The following SAP30 variants were observed in gnomAD, a reference collection of about 807,000 sequenced individuals.
SAP30 encodes the protein histone deacetylase complex subunit SAP30.
In SAP30, 13 loss-of-function variants were observed where a neutral mutation model predicts 19.6. The observed-to-expected ratio is 0.66, with a 90% confidence interval of 0.43 to 1.05. SAP30 has a LOEUF of 1.05. Ranked by LOEUF, SAP30 falls within the 50% of genes least tolerant of loss-of-function variation. The pLI is 0.00. For missense variants in SAP30, 257 were observed against 292.1 expected (o/e 0.88, Z 0.88); for synonymous variants, 108 against 122.7 (o/e 0.88, Z 0.79).
chr4:173,377,345 CT>C lies in SAP30; in HGVS notation c.*19del. 5 of 1,593,708 alleles carry C rather than the reference CT, an allele frequency of 3.1e-6. No homozygotes were observed. The highest frequency in any genetic ancestry group is 4.3e-6 in the Non-Finnish European group (5 of 1,172,968). Reference sequence around the variant, plus strand: ...TTCACTAGGAGACGTGGAATTGAGACTAATAACTTGGATGTTAACACTGTTT... The same window carrying C: ...TTCACTAGGAGACGTGGAATTGAGACAATAACTTGGATGTTAACACTGTTT... On this transcript the variant is annotated 3_prime_UTR_variant, in exon 4 of 4. Transcript: ENST00000296504.
Position 173,377,211 on chromosome 4 carries a change from G to T in SAP30, c.547G>T (p.Gly183Cys), listed in dbSNP as rs1739059911. 1 of 1,575,286 alleles carries T rather than the reference G, an allele frequency of 6.3e-7. No individual in the cohort carries two copies. The highest frequency in any genetic ancestry group is 8.6e-7 in the Non-Finnish European group (1 of 1,164,554). The change falls in exon 4 of 4, where the codon GGT becomes TGT. Residue 183 changes from glycine (G) to cysteine (C), a missense_variant. Physicochemically the swap from Gly to Cys is radical, Grantham distance 159. Coordinates refer to ENST00000296504, the MANE Select transcript of SAP30 (RefSeq NM_003864.4). ...ATTTTTCTTTTCTTTGTAGATAGTTGGTTGCCACTTTAGGTCTATTCCAGT... is the reference window on the plus strand; with the variant it reads ...ATTTTTCTTTTCTTTGTAGATAGTTTGTTGCCACTTTAGGTCTATTCCAGT... ...LNKAQLVEIV[G>C]CHFRSIPVNE...
At chr4:173,373,807 A>T in intron 2 of SAP30, 132 bp from the exon 3 acceptor site, 3 of 438,378 alleles carry the variant, frequency 6.8e-6, no homozygotes, top group Non-Finnish European at 1.1e-5. Context: ...GATTATATAA[A>T]TTTTTTAAAT....
In SAP30 at chr4:173,371,357, G is replaced by T; in HGVS notation, c.175G>T (p.Ala59Ser). The T allele has an allele frequency of 6.7e-7, 1 of 1,495,564 alleles. No homozygotes were observed. The highest frequency in any genetic ancestry group is 8.8e-7 in the Non-Finnish European group (1 of 1,132,814). 92.6% of individuals were successfully genotyped at this position (1,495,564 alleles called of 1,614,324 possible). A position where few individuals can be genotyped will look rare whatever the true frequency, so the allele number is the denominator to read the frequency against. Residue 59 changes from alanine to serine, a missense_variant, in exon 1 of 4, where the codon GCC becomes TCC. Ala to Ser is a moderately conservative substitution (Grantham distance 99). Coordinates refer to ENST00000296504, the MANE Select transcript of SAP30 (RefSeq NM_003864.4). This position sits in a 1 kb window ranked among gnomAD's most constrained non-coding sequence, Gnocchi z 6.4. Reference protein sequence around the residue: ...AVSAAGPPGAAGPGPGQLCCL... With the variant: ...AVSAAGPPGASGPGPGQLCCL... ...CTCAGCGGCTGGGCCCCCGGGGGCGGCCGGGCCGGGCCCCGGGCAACTGTG... is the reference window on the plus strand; with the variant it reads ...CTCAGCGGCTGGGCCCCCGGGGGCGTCCGGGCCGGGCCCCGGGCAACTGTG...
intron 1 of SAP30, among the ~76,000 whole-genome samples, chr4:173,373,165 G>C (rs1398383773): frequency 2.6e-5 from 4 of 151,638 alleles, no homozygotes; most frequent in Non-Finnish European, 5.9e-5. Flanking sequence ...CCCTTCCCCA[G>C]ATGGAACCAA....
At chr4:173,377,111 C>T in intron 3 of SAP30, 94 bp from the exon 4 acceptor site, 1 of 823,848 alleles carries the variant, frequency 1.2e-6, no homozygotes, top group Non-Finnish European at 1.8e-6. Context: ...TATCACATAG[C>T]ACTTTTTCTT....
rs1738930931 is a variant in SAP30, at chr4:173,371,418, C to T, written c.236C>T (p.Ala79Val). The change falls in exon 1 of 4, where the codon GCG becomes GTG. Residue 79 changes from alanine (A) to valine (V), a missense_variant. Ala to Val is a moderately conservative substitution (Grantham distance 64). Transcript: ENST00000296504. The surrounding 1 kb of genome is among the most constrained non-coding windows in gnomAD (Gnocchi z 6.4). ...GAGGATGGTGAGCGGTGCGGCCGGG[C>T]GGCAGGCAACGCCAGCTTCAGCAAG... ...LREDGERCGR[A>V]AGNASFSKRI... The T allele has an allele frequency of 1.3e-6, 2 of 1,590,704 alleles. No individual in the cohort carries two copies. Among genetic ancestry groups the T allele is most frequent in the Non-Finnish European group, 1.7e-6 (2 of 1,175,708 alleles).
chr4:173,371,543 G>A lies in SAP30; in HGVS notation c.315+46G>A, dbSNP rs1738934151. ...CCCTGCCCTCCCGCCCCTCGGTGGG[G>A]CCCCAGGAGCCGGGCAAAGGCACGG... On this transcript the variant is annotated intron_variant, in intron 1 of 3. Coordinates refer to ENST00000296504, the MANE Select transcript of SAP30 (RefSeq NM_003864.4). This position sits in a 1 kb window ranked among gnomAD's most constrained non-coding sequence, Gnocchi z 6.4. 1 of 1,554,482 alleles carries A rather than the reference G, an allele frequency of 6.4e-7. No individual in the cohort carries two copies. The highest frequency in any genetic ancestry group is 2.4e-5 in the East Asian group (1 of 41,222).
intron 1 of SAP30, among the ~76,000 whole-genome samples, chr4:173,372,375 G>A (rs1415289293): frequency 1.3e-5 from 2 of 152,198 alleles, no homozygotes; most frequent in South Asian, 2.1e-4. Flanking sequence ...AGGAGTATAT[G>A]TAATTAAAGT....
intron 3 of SAP30, 42 bp downstream of exon 3, chr4:173,374,079 G>C (rs145510723): frequency 9.2e-7 from 1 of 1,090,264 alleles, no homozygotes; most frequent in Non-Finnish European, 1.4e-6. Flanking sequence ...CTGCACAACC[G>C]AGAGGTTATT....
intron 3 of SAP30, among the ~76,000 whole-genome samples, chr4:173,374,891 C>G (rs994802239): frequency 2.0e-5 from 3 of 151,772 alleles, no homozygotes; most frequent in Non-Finnish European, 2.9e-5. Flanking sequence ...TTTACCCAAG[C>G]TTTTACTTGT....
chr4:173,373,376 CTT>C lies in SAP30; in HGVS notation c.316-11_316-10del, dbSNP rs758468936. 5.0e-6 allele frequency: 8 copies of C among 1,595,426 alleles called. No individual in the cohort carries two copies. The highest frequency in any genetic ancestry group is 6.8e-6 in the Non-Finnish European group (8 of 1,172,162). On this transcript the variant is annotated splice_polypyrimidine_tract_variant and intron_variant, in intron 1 of 3. Transcript: ENST00000296504. Reference sequence around the variant, plus strand: ...CTGTAATCATAAGCAGTGTGTAAAACTTTTCTGTTTCAGGCAAGGCATCTTTA... The same window carrying C: ...CTGTAATCATAAGCAGTGTGTAAAACTTCTGTTTCAGGCAAGGCATCTTTA...
intron 3 of SAP30, among the ~76,000 whole-genome samples, chr4:173,376,243 A>T (rs1190109542): frequency 6.6e-6 from 1 of 152,212 alleles, no homozygotes; most frequent in Non-Finnish European, 1.5e-5. Flanking sequence ...TAATTGTAGT[A>T]TGCATGTTAT....
rs759250641 is a variant in SAP30 at position 173,371,163 on chromosome 4, G to A, written c.-20G>A. 4.0e-6 allele frequency: 6 copies of A among 1,481,970 alleles called. No homozygotes were observed. Among genetic ancestry groups the A allele is most frequent in the East Asian group, 5.8e-5 (2 of 34,238 alleles). 91.8% of individuals were successfully genotyped at this position (1,481,970 alleles called of 1,614,324 possible). A position where few individuals can be genotyped will look rare whatever the true frequency, so the allele number is the denominator to read the frequency against. ...GAGAGAGGGGATTTCTGTCAGCGCC[G>A]GCCTCGGGAGCTCGGAGACATGAAC... On this transcript the variant is annotated 5_prime_UTR_variant, in exon 1 of 4. Coordinates refer to ENST00000296504, the MANE Select transcript of SAP30 (RefSeq NM_003864.4). The surrounding 1 kb of genome is among the most constrained non-coding windows in gnomAD (Gnocchi z 6.4).
chr4:173,373,477 G>A lies in SAP30; in HGVS notation c.403G>A (p.Gly135Arg). ...RRKRKGSDDD[G>R]GDSPVQDIDT... Reference sequence around the variant, plus strand: ...AAAGAGAAAAGGGAGTGATGATGATGGAGGTGATTCACCTGTTCAAGATAT... The same window carrying A: ...AAAGAGAAAAGGGAGTGATGATGATAGAGGTGATTCACCTGTTCAAGATAT... Residue 135 changes from glycine (G) to arginine (R), a missense_variant, in exon 2 of 4, where the codon GGA becomes AGA. By Grantham distance (125) the Gly-to-Arg change is moderately radical (BLOSUM62 -2). Coordinates refer to ENST00000296504, the MANE Select transcript of SAP30 (RefSeq NM_003864.4). The A allele has an allele frequency of 2.5e-6, 4 of 1,612,434 alleles. No homozygotes were observed. The highest frequency in any genetic ancestry group is 3.4e-6 in the Non-Finnish European group (4 of 1,179,196).
At position 173,371,395 on chromosome 4, in the gene SAP30, G is replaced by C. The variant is rs1353772704; in HGVS notation, c.213G>C (p.Glu71Asp). 1 of 1,583,596 alleles carries C rather than the reference G, an allele frequency of 6.3e-7. No homozygotes were observed. The highest frequency in any genetic ancestry group is 8.5e-7 in the Non-Finnish European group (1 of 1,172,244). The stretch of plus-strand genomic sequence containing the variant: ...CCGGGCAACTGTGCTGCCTGCGGGA[G>C]GATGGTGAGCGGTGCGGCCGGGCGG... ...PGPGQLCCLR[E>D]DGERCGRAAG... Residue 71 changes from glutamate (E) to aspartate (D), a missense_variant, in exon 1 of 4, where the codon GAG (glutamate) becomes GAC (aspartate). Physicochemically the swap from Glu to Asp is conservative, Grantham distance 45 (BLOSUM62 2). Coordinates refer to ENST00000296504, the MANE Select transcript of SAP30 (RefSeq NM_003864.4). The surrounding 1 kb of genome is among the most constrained non-coding windows in gnomAD (Gnocchi z 6.4).
At position 173,373,529 on chromosome 4, in the gene SAP30, T is replaced by C. The variant is rs536507875; in HGVS notation, c.441+14T>C. The C allele has an allele frequency of 3.1e-6, 5 of 1,591,144 alleles. No individual in the cohort carries two copies. Among genetic ancestry groups the C allele is most frequent in the Non-Finnish European group, 4.3e-6 (5 of 1,170,652 alleles). On this transcript the variant is annotated intron_variant, in intron 2 of 3. Coordinates refer to ENST00000296504, the MANE Select transcript of SAP30 (RefSeq NM_003864.4). ...GATACCCCAGAGGTAGATGGAAGTT[T>C]TTTATGCTTAATGTAAATCCTAAGT...
At chr4:173,375,619 C>T (rs1173855505) in intron 3 of SAP30, among the ~76,000 whole-genome samples, 1 of 152,086 alleles carries the variant, frequency 6.6e-6, no homozygotes, top group African/African-American at 2.4e-5. Context: ...CTTCTAAGAA[C>T]AGTTATATTA....
Position 173,371,429 on chromosome 4 carries a change from G to C in SAP30, c.247G>C (p.Ala83Pro). 1.3e-6 allele frequency: 2 copies of C among 1,591,590 alleles called. No individual in the cohort carries two copies. The highest frequency in any genetic ancestry group is 2.2e-5 in the South Asian group (2 of 90,986). ...GERCGRAAGN[A>P]SFSKRIQKSI... is the part of the protein sequence containing the mutation. ...GCGGTGCGGCCGGGCGGCAGGCAAC[G>C]CCAGCTTCAGCAAGAGGATCCAGAA... Residue 83 changes from alanine to proline, a missense_variant, in exon 1 of 4, where the codon GCC (alanine) becomes CCC (proline). Physicochemically the swap from Ala to Pro is conservative, Grantham distance 27 (BLOSUM62 -1). Transcript: ENST00000296504. This position sits in a 1 kb window ranked among gnomAD's most constrained non-coding sequence, Gnocchi z 6.4.
chr4:173,371,399 G>T lies in SAP30; in HGVS notation c.217G>T (p.Gly73Cys). Residue 73 changes from glycine (G) to cysteine (C), a missense_variant, in exon 1 of 4, where the codon GGT (glycine) becomes TGT (cysteine). Coordinates refer to ENST00000296504, the MANE Select transcript of SAP30 (RefSeq NM_003864.4). This position sits in a 1 kb window ranked among gnomAD's most constrained non-coding sequence, Gnocchi z 6.4. ...PGQLCCLRED[G>C]ERCGRAAGNA... ...GCAACTGTGCTGCCTGCGGGAGGAT[G>T]GTGAGCGGTGCGGCCGGGCGGCAGG... 6.3e-7 allele frequency: 1 copy of T among 1,588,022 alleles called. No individual in the cohort carries two copies.
Sources: allele counts gnomAD v4.1 joint callset (sites outside exome capture counted in the v4.1 genomes callset), GRCh38; gene constraint gnomAD v4.1.1; non-coding constraint Gnocchi (gnomAD v3.1); transcripts MANE v1.5; gene names NCBI Gene and HGNC (gene_info 2026-07-23, HGNC 2026-07-21).